The following NTM variants were observed in gnomAD, a reference collection of about 807,000 sequenced individuals.
NTM encodes IgLON family member 2.
In NTM, 13 loss-of-function variants were observed where a neutral mutation model predicts 42.1. That is an observed-to-expected ratio of 0.31 (90% CI 0.20 to 0.49). NTM has a LOEUF of 0.49. Among genes scored for constraint, NTM ranks in the 20% least tolerant of loss-of-function variants. The probability of loss-of-function intolerance (pLI) is 0.99; values close to 1 mark genes in which losing one functional copy is unlikely to be tolerated. For synonymous variants in NTM, 187 were observed against 179.2 expected (o/e 1.04, Z -0.35); for missense variants, 373 against 452.8 (o/e 0.82, Z 1.60).
At position 131,487,778 on chromosome 11, in the gene NTM, G is replaced by C. The variant is rs149578498; in HGVS notation, c.82+116890G>C. The stretch of plus-strand genomic sequence containing the variant: ...ATAATGTTTTGGAGCTGAGGGGAAG[G>C]CTGGAGCCATGGAGGAAGGTCCGCC... On this transcript the variant is annotated intron_variant, in intron 1 of 8. Coordinates refer to ENST00000683400, the MANE Select transcript of NTM (RefSeq NM_001352005.2). Among the ~76,000 whole-genome samples the C allele has an allele frequency of 3.4e-3, 512 of 152,318 alleles. 2 individuals carry two copies. Among genetic ancestry groups the C allele is most frequent in the African/African-American group, 0.011 (464 of 41,554 alleles).
chr11:132,159,353 G>A (rs772022560), intron 3 of NTM, among the ~76,000 whole-genome samples: 10 of 152,250 alleles, frequency 6.6e-5, no homozygotes, highest in Admixed American at 6.5e-4. Context: ...TGCTAAGGGA[G>A]TAAGTCAATG....
At chr11:131,729,740 T>A (rs1359863264) in intron 1 of NTM, among the ~76,000 whole-genome samples, 1 of 152,236 alleles carries the variant, frequency 6.6e-6, no homozygotes, top group East Asian at 1.9e-4. Flanking sequence ...TGTTGTAGCA[T>A]AAAAAGCACT....
intron 1 of NTM, among the ~76,000 whole-genome samples, chr11:131,502,246 C>T (rs1480833342): frequency 6.6e-6 from 1 of 152,076 alleles, no homozygotes; most frequent in South Asian, 2.1e-4. Context: ...ATGAAGGCAT[C>T]ATGATTGCTG....
chr11:132,041,964 G>A (rs1362815945), intron 2 of NTM, among the ~76,000 whole-genome samples: 3 of 152,216 alleles, frequency 2.0e-5, no homozygotes, highest in African/African-American at 7.2e-5. Flanking sequence ...TATGTTGTTA[G>A]TGGTGTTGAG....
chr11:131,707,013 A>C (rs1005996780), intron 1 of NTM, among the ~76,000 whole-genome samples: 1 of 151,266 alleles, frequency 6.6e-6, no homozygotes, highest in African/African-American at 2.5e-5. Context: ...TTTACTTTTT[A>C]ATAACTTCAA....
At chr11:132,193,094 T>G (rs1230947009) in intron 3 of NTM, among the ~76,000 whole-genome samples, 2 of 152,132 alleles carry the variant, frequency 1.3e-5, no homozygotes, top group African/African-American at 4.8e-5. Flanking sequence ...GACAGATCAT[T>G]GAGGCAGATA....
chr11:132,327,639 G>A (rs2095711068), intron 7 of NTM, among the ~76,000 whole-genome samples: 2 of 152,102 alleles, frequency 1.3e-5, no homozygotes, highest in Admixed American at 1.3e-4. Flanking sequence ...TTGCTTATCT[G>A]GACACTCGGA....
chr11:131,681,246 C>CAT (rs200256622), intron 1 of NTM, among the ~76,000 whole-genome samples: 10 of 33,914 alleles, frequency 2.9e-4, no homozygotes, highest in African/African-American at 6.0e-4. Context: ...TGTATGTGAG[C>CAT]GTGTGTTTCT....
At chr11:131,972,344 A>T (rs2063680282) in intron 2 of NTM, among the ~76,000 whole-genome samples, 1 of 152,202 alleles carries the variant, frequency 6.6e-6, no homozygotes, top group African/African-American at 2.4e-5. Flanking sequence ...ATACATACAC[A>T]TACATGTATA....
chr11:131,952,517 C>G (rs565187823), intron 2 of NTM, among the ~76,000 whole-genome samples: 1 of 152,108 alleles, frequency 6.6e-6, no homozygotes, highest in Non-Finnish European at 1.5e-5. Flanking sequence ...TTTACACACT[C>G]TCTCTCTCAG....
At chr11:132,053,414 G>A (rs1469674246) in intron 2 of NTM, among the ~76,000 whole-genome samples, 1 of 152,186 alleles carries the variant, frequency 6.6e-6, no homozygotes, top group African/African-American at 2.4e-5. Context: ...TCTCACAGCT[G>A]CTCTTCTTAC....
chr11:131,468,074 C>G lies in NTM; in HGVS notation c.82+97186C>G, dbSNP rs567891237. On this transcript the variant is annotated intron_variant, in intron 1 of 8. Transcript: ENST00000683400. Reference sequence around the variant, plus strand: ...AGGGATGACGTAGGGTCAGTGTGAACTGATCTCACAGGAAGGGCATTTAGT... The same window carrying G: ...AGGGATGACGTAGGGTCAGTGTGAAGTGATCTCACAGGAAGGGCATTTAGT... 3.3e-5 allele frequency among the ~76,000 whole-genome samples: 5 copies of G among 152,336 alleles called. No homozygotes were observed. In the South Asian group the frequency reaches 1.0e-3, roughly 32 times the overall value.
At chr11:131,828,376 A>C (rs2042391687) in intron 1 of NTM, among the ~76,000 whole-genome samples, 1 of 151,962 alleles carries the variant, frequency 6.6e-6, no homozygotes, top group South Asian at 2.1e-4. Context: ...CCATCACTGC[A>C]ACATCACCAC....
Position 131,905,716 on chromosome 11 carries a change from T to C in NTM, c.83-5848T>C, listed in dbSNP as rs146397029. Reference sequence around the variant, plus strand: ...AAATGTCTGTCTCCCCTGCTGGAAGTGCACTTCATGCAGGGGAGGCCCACG... The same window carrying C: ...AAATGTCTGTCTCCCCTGCTGGAAGCGCACTTCATGCAGGGGAGGCCCACG... On this transcript the variant is annotated intron_variant, in intron 1 of 8. Transcript: ENST00000683400. Among the ~76,000 whole-genome samples the C allele has an allele frequency of 1.2e-4, 18 of 152,282 alleles. No individual in the cohort carries two copies. In the East Asian group the frequency reaches 2.9e-3, roughly 25 times the overall value.
At chr11:131,920,458 A>T (rs896149845) in intron 2 of NTM, among the ~76,000 whole-genome samples, 2 of 152,238 alleles carry the variant, frequency 1.3e-5, no homozygotes, top group Non-Finnish European at 2.9e-5. Context: ...AACTGATCTC[A>T]GCATTCACTG....
chr11:132,288,223 A>G (rs114450205), intron 4 of NTM, among the ~76,000 whole-genome samples: 45 of 152,322 alleles, frequency 3.0e-4, no homozygotes, highest in African/African-American at 1.1e-3. Flanking sequence ...GCCAAGTGCC[A>G]TGGAAGCCAA....
At chr11:131,381,286 GTC>G (rs1047988033) in intron 1 of NTM, among the ~76,000 whole-genome samples, 4 of 152,140 alleles carry the variant, frequency 2.6e-5, no homozygotes, top group African/African-American at 9.7e-5. Flanking sequence ...TCCAAATCTA[GTC>G]TCTCTTCCAC....
Position 132,146,565 on chromosome 11 carries a change from C to CTTCA in NTM, c.400+52_400+55dup. 1 of 1,589,422 alleles carries CTTCA rather than the reference C, an allele frequency of 6.3e-7. No homozygotes were observed. The highest frequency in any genetic ancestry group is 1.7e-4 in the Middle Eastern group (1 of 6,002). On this transcript the variant is annotated intron_variant, in intron 3 of 8. Coordinates refer to ENST00000683400, the MANE Select transcript of NTM (RefSeq NM_001352005.2). The surrounding 1 kb of genome is among the most constrained non-coding windows in gnomAD (Gnocchi z 4.5). ...GATCTGGCTGGCCAGCCTGGAAAGC[C>CTTCA]TTCAGGTAAAGGTTTGTTCTCTGAT...
intron 1 of NTM, among the ~76,000 whole-genome samples, chr11:131,639,887 C>T (rs984958430): frequency 7.9e-5 from 12 of 151,924 alleles, no homozygotes; most frequent in African/African-American, 2.9e-4. Context: ...ACCCGGGAGG[C>T]GGAGGTTGCA....
Sources: allele counts gnomAD v4.1 joint callset (sites outside exome capture counted in the v4.1 genomes callset), GRCh38; gene constraint gnomAD v4.1.1; non-coding constraint Gnocchi (gnomAD v3.1); transcripts MANE v1.5; gene names NCBI Gene and HGNC (gene_info 2026-07-23, HGNC 2026-07-21).